Variants in TPO observed in about 807,000 individuals in gnomAD.
TPO encodes thyroid microsomal antigen.
A neutral mutation model predicts 96.9 loss-of-function variants in TPO; 78 were observed. The ratio of observed to expected loss-of-function variants is 0.81; its 90% CI spans 0.67 to 0.97. TPO has a LOEUF of 0.97. TPO is among the 50% of genes least tolerant of loss of function. The pLI, the probability that TPO is intolerant of heterozygous loss-of-function variation, is 0.00. For synonymous variants in TPO, 547 were observed against 538.0 expected, an observed-to-expected ratio of 1.02 and a Z score of -0.23; for missense variants, 1,252 against 1,274.8, an observed-to-expected ratio of 0.98 and a Z score of 0.27.
chr2:1,454,272 G>C (rs6588663), intron 6 of TPO, among the ~76,000 whole-genome samples: 83,239 of 152,092 alleles, frequency 0.55, 23,021 homozygotes, highest in East Asian at 0.77. Context: ...GTCAAAAAAT[G>C]GGTCATTTTG....
At chr2:1,476,863 G>C (rs887676143) in intron 7 of TPO, among the ~76,000 whole-genome samples, 1 of 149,940 alleles carries the variant, frequency 6.7e-6, no homozygotes, top group African/African-American at 2.5e-5. Context: ...GGGGGAGGTG[G>C]GGGGCTGGCT....
chr2:1,425,453 G>C (rs1664260003), intron 3 of TPO, among the ~76,000 whole-genome samples: 1 of 151,794 alleles, frequency 6.6e-6, no homozygotes. Context: ...CTAGATACCG[G>C]GATACAGAGA....
At chr2:1,421,313 T>C (rs1278226363) in intron 2 of TPO, among the ~76,000 whole-genome samples, 1 of 152,154 alleles carries the variant, frequency 6.6e-6, no homozygotes, top group African/African-American at 2.4e-5. Context: ...TGCAAACTTC[T>C]CTCTTCAGAG....
At chr2:1,495,743 A>G (rs528161308) in intron 11 of TPO, among the ~76,000 whole-genome samples, 2 of 150,110 alleles carry the variant, frequency 1.3e-5, no homozygotes, top group Admixed American at 6.6e-5. Context: ...GGCAGACGCC[A>G]CAGGGTCTCC....
intron 4 of TPO, among the ~76,000 whole-genome samples, chr2:1,434,058 C>A (rs1665305390): frequency 6.6e-6 from 1 of 152,136 alleles, no homozygotes; most frequent in Non-Finnish European, 1.5e-5. Context: ...CATTTGAGAG[C>A]CAATTTACTC....
At chr2:1,486,121 T>C (rs547862205) in intron 9 of TPO, among the ~76,000 whole-genome samples, 2 of 152,322 alleles carry the variant, frequency 1.3e-5, no homozygotes, top group African/African-American at 4.8e-5. Context: ...ACTTCTTTCT[T>C]ATGACTCATC....
intron 1 of TPO, among the ~76,000 whole-genome samples, chr2:1,394,340 C>T (rs546576239): frequency 6.6e-6 from 1 of 152,320 alleles, no homozygotes; most frequent in East Asian, 1.9e-4. Flanking sequence ...TTCATTTTGA[C>T]GACCATGGAG....
chr2:1,413,072 G>C (rs1353934608), upstream of TPO, among the ~76,000 whole-genome samples: 1 of 152,166 alleles, frequency 6.6e-6, no homozygotes, highest in Non-Finnish European at 1.5e-5. Context: ...CAGAGTTGTA[G>C]AGCGAGTCAT....
chr2:1,502,265 G>A (rs1672945994), intron 13 of TPO, among the ~76,000 whole-genome samples: 1 of 152,132 alleles, frequency 6.6e-6, no homozygotes, highest in Non-Finnish European at 1.5e-5. Context: ...AGACCTTCTA[G>A]GTTTAACAGC....
rs539072239 is a variant in TPO at position 1,475,879 on chromosome 2, G to A, written c.820-1207G>A. Among the ~76,000 whole-genome samples, 16 of 152,342 alleles carry A rather than the reference G, an allele frequency of 1.1e-4. No individual in the cohort carries two copies. In the South Asian group the frequency reaches 2.9e-3, roughly 28 times the overall value. ...GGCTGCACAGCTGCCAGGCCTGGGC[G>A]CTGCCCAGAGGGGTTCTGACAGCAT... On this transcript the variant is annotated intron_variant, in intron 7 of 16. Coordinates refer to ENST00000329066, the MANE Select transcript of TPO (RefSeq NM_001206744.2).
chr2:1,393,115 G>A (rs1159307194), intron 1 of TPO, among the ~76,000 whole-genome samples: 3 of 152,216 alleles, frequency 2.0e-5, no homozygotes, highest in Non-Finnish European at 4.4e-5. Context: ...AGCTGTAGAG[G>A]AAACAGCAGC....
At chr2:1,425,604 T>A (rs1664283971) in intron 3 of TPO, among the ~76,000 whole-genome samples, 1 of 152,210 alleles carries the variant, frequency 6.6e-6, no homozygotes, top group East Asian at 1.9e-4. Context: ...TTGTTCTAGA[T>A]GCCAGGATAC....
At chr2:1,531,817 C>G in intron 15 of TPO, among the ~76,000 whole-genome samples, 1 of 66,752 alleles carries the variant, frequency 1.5e-5, no homozygotes, top group Non-Finnish European at 3.0e-5. Context: ...CTCTCTGCAA[C>G]CTCCCCAAAT....
At chr2:1,394,639 C>T (rs150526273) in intron 1 of TPO, among the ~76,000 whole-genome samples, 85 of 152,320 alleles carry the variant, frequency 5.6e-4, no homozygotes, top group African/African-American at 1.8e-3. Flanking sequence ...CAAATGCAAA[C>T]GTGAGAAAGT....
intron 3 of TPO, among the ~76,000 whole-genome samples, chr2:1,431,609 C>T (rs1003460165): frequency 3.9e-5 from 6 of 152,094 alleles, no homozygotes; most frequent in East Asian, 1.9e-4. Flanking sequence ...CATCACCTTC[C>T]GTAGTGATTG....
upstream of TPO, among the ~76,000 whole-genome samples, chr2:1,411,260 A>G (rs1662329537): frequency 6.6e-6 from 1 of 152,186 alleles, no homozygotes; most frequent in Non-Finnish European, 1.5e-5. Context: ...TAAAATATGT[A>G]TTTTCAAATG....
intron 15 of TPO, among the ~76,000 whole-genome samples, chr2:1,527,745 C>G (rs1019147385): frequency 6.8e-6 from 1 of 147,932 alleles, no homozygotes; most frequent in Non-Finnish European, 1.5e-5. Flanking sequence ...ATTTCTCCCA[C>G]TCTGGGCAAC....
At chr2:1,448,522 T>A (rs1667027538) in intron 5 of TPO, among the ~76,000 whole-genome samples, 1 of 152,170 alleles carries the variant, frequency 6.6e-6, no homozygotes, top group African/African-American at 2.4e-5. Context: ...GCAGCACTTG[T>A]CAGGCTCCTT....
At chr2:1,393,287 A>C (rs1241851112) in intron 1 of TPO, among the ~76,000 whole-genome samples, 1 of 152,198 alleles carries the variant, frequency 6.6e-6, no homozygotes, top group Admixed American at 6.5e-5. Flanking sequence ...TATGAGGAGG[A>C]TGCTGCTAAC....
Sources: gnomAD v4.1 joint callset for allele counts (sites outside exome capture counted in the v4.1 genomes callset) on GRCh38, gnomAD v4.1.1 for gene constraint, MANE v1.5 for transcripts, NCBI Gene and HGNC (gene_info 2026-07-23, HGNC 2026-07-21) for gene names.